The following KCNQ1 variants were observed in gnomAD, a reference collection of about 807,000 sequenced individuals.
The protein encoded by KCNQ1 is potassium voltage-gated channel subfamily KQT member 1.
Under a neutral mutation model 72.4 loss-of-function variants are expected in KCNQ1, and 49 were observed. The observed-to-expected ratio is 0.68, with a 90% CI of 0.54 to 0.86. The LOEUF (loss-of-function observed/expected upper bound fraction) is 0.86, where lower values mean the gene tolerates loss of function less well. KCNQ1 is among the 40% of genes least tolerant of loss of function. KCNQ1 has a pLI of 0.00. For synonymous variants in KCNQ1, 450 were observed against 412.6 expected, an observed-to-expected ratio of 1.09 and a Z score of -1.10; for missense variants, 790 against 945.1, an observed-to-expected ratio of 0.84 and a Z score of 2.15.
Position 2,612,235 on chromosome 11 carries a change from T to C in KCNQ1, c.1393+23381T>C, listed in dbSNP as rs950006047. ...CCTCCTGTCTGATCAGTGATGGCAT[T>C]AGATTCTCACAGAGAGCAAATCCTA... On this transcript the variant is annotated intron_variant, in intron 10 of 15. Coordinates refer to ENST00000155840, the MANE Select transcript of KCNQ1 (RefSeq NM_000218.3). The surrounding 1 kb of genome is among the most constrained non-coding windows in gnomAD (Gnocchi z 5.5). 7 of 398,524 alleles carry C rather than the reference T, an allele frequency of 1.8e-5. No individual in the cohort carries two copies. The highest frequency in any genetic ancestry group is 2.2e-5 in the Non-Finnish European group (5 of 226,082). 24.7% of individuals were successfully genotyped at this position (398,524 alleles called of 1,614,324 possible).
rs990083172 is a variant in KCNQ1 at position 2,704,610 on chromosome 11, G to C, written c.1514+42529G>C. On this transcript the variant is annotated intron_variant, in intron 11 of 15. Coordinates refer to ENST00000155840, the MANE Select transcript of KCNQ1 (RefSeq NM_000218.3). This position sits in a 1 kb window ranked among gnomAD's most constrained non-coding sequence, Gnocchi z 4.3. ...GAAAGGTCACTCTGGCTGCTGAACA[G>C]AGAGAGAACTGAAGAGAGGCAGCAG... Among the ~76,000 whole-genome samples the C allele has an allele frequency of 1.2e-4, 18 of 152,340 alleles. No homozygotes were observed. Among genetic ancestry groups the C allele is most frequent in the African/African-American group, 4.3e-4 (18 of 41,576 alleles).
Position 2,678,112 on chromosome 11 carries a change from T to C in KCNQ1, c.1514+16031T>C, listed in dbSNP as rs1017761116. ...ATTTGTAGAAACTTGCTTTGTCATA[T>C]TCATTGAAAATATTTTATCCTCATT... On this transcript the variant is annotated intron_variant, in intron 11 of 15. Coordinates refer to ENST00000155840, the MANE Select transcript of KCNQ1 (RefSeq NM_000218.3). This position sits in a 1 kb window ranked among gnomAD's most constrained non-coding sequence, Gnocchi z 4.9. 9 of 398,308 alleles carry C rather than the reference T, an allele frequency of 2.3e-5. No individual in the cohort carries two copies. Among genetic ancestry groups the C allele is most frequent in the Non-Finnish European group, 3.5e-5 (8 of 225,974 alleles). The allele number at this position is 398,308 out of a possible 1,614,324, so 24.7% of individuals were successfully genotyped here.
At chr11:2,716,416 A>G (rs1315089711) in intron 11 of KCNQ1, among the ~76,000 whole-genome samples, 1 of 152,110 alleles carries the variant, frequency 6.6e-6, no homozygotes, top group African/African-American at 2.4e-5. Flanking sequence ...TGGCCAGAAC[A>G]CAGTCCCCAA....
intron 6 of KCNQ1, among the ~76,000 whole-genome samples, chr11:2,580,135 G>A (rs1009195959): frequency 7.2e-5 from 11 of 152,122 alleles, no homozygotes; most frequent in South Asian, 6.2e-4. Context: ...GTTTGCTGGC[G>A]CCCCTTACGC....
chr11:2,620,026 C>T lies in KCNQ1; in HGVS notation c.1393+31172C>T, dbSNP rs563920307. Reference sequence around the variant, plus strand: ...TCAGCCCACCTCTCCATTCCTCCCCCAAGTAGTCCCCAGTGTCTACTGATC... The same window carrying T: ...TCAGCCCACCTCTCCATTCCTCCCCTAAGTAGTCCCCAGTGTCTACTGATC... On this transcript the variant is annotated intron_variant, in intron 10 of 15. Transcript: ENST00000155840. This position sits in a 1 kb window ranked among gnomAD's most constrained non-coding sequence, Gnocchi z 4.5. The T allele has an allele frequency of 3.0e-5, 12 of 398,198 alleles. No homozygotes were observed. The highest frequency in any genetic ancestry group is 4.9e-5 in the Non-Finnish European group (11 of 226,044). 24.7% of individuals were successfully genotyped at this position (398,198 alleles called of 1,614,324 possible). A position where few individuals can be genotyped will look rare whatever the true frequency, so the allele number is the denominator to read the frequency against.
At position 2,767,154 on chromosome 11, in the gene KCNQ1, G is replaced by A. The variant is rs1235324267; in HGVS notation, c.1515-1690G>A. Among the ~76,000 whole-genome samples, 16 of 151,740 alleles carry A rather than the reference G, an allele frequency of 1.1e-4. No individual in the cohort carries two copies. The highest frequency in any genetic ancestry group is 6.6e-4 in the Admixed American group (10 of 15,244). Reference sequence around the variant, plus strand: ...CTGCACTCCAGCCTGGCAATAGAGCGAGACTCCATCTATATGTGTGTGTGT... The same window carrying A: ...CTGCACTCCAGCCTGGCAATAGAGCAAGACTCCATCTATATGTGTGTGTGT... On this transcript the variant is annotated intron_variant, in intron 11 of 15. Coordinates refer to ENST00000155840, the MANE Select transcript of KCNQ1 (RefSeq NM_000218.3). The surrounding 1 kb of genome is among the most constrained non-coding windows in gnomAD (Gnocchi z 4.6).
intron 10 of KCNQ1, chr11:2,634,184 T>C: frequency 2.5e-6 from 1 of 397,058 alleles, no homozygotes; most frequent in Admixed American, 4.4e-5. Flanking sequence ...CTTTTTTTTA[T>C]TATACTTTAA....
At chr11:2,763,710 A>C (rs117838311) in intron 11 of KCNQ1, among the ~76,000 whole-genome samples, 2,709 of 152,092 alleles carry the variant, frequency 0.018, 112 homozygotes, top group East Asian at 0.13. Flanking sequence ...GGTACACACC[A>C]CCAAGCCTGG....
rs231362 is a variant in KCNQ1, at chr11:2,670,241, A to G, written c.1514+8160A>G. The G allele has an allele frequency of 0.6, 237,755 of 398,376 alleles. 74,265 individuals carry two copies. Among genetic ancestry groups the G allele is most frequent in the East Asian group, 0.9 (25,250 of 28,062 alleles). The allele number at this position is 398,376 out of a possible 1,614,324, so 24.7% of individuals were successfully genotyped here. A position where few individuals can be genotyped will look rare whatever the true frequency, so the allele number is the denominator to read the frequency against. ...AGCTCACCTGCCTTTGACCCTGCAC[A>G]TGACGGGCGAGGGAAGAGGACCATG... is the stretch of plus-strand genomic sequence containing the variant. On this transcript the variant is annotated intron_variant, in intron 11 of 15. Transcript: ENST00000155840. The surrounding 1 kb of genome is among the most constrained non-coding windows in gnomAD (Gnocchi z 4.9).
chr11:2,580,732 C>G (rs1422310225), intron 6 of KCNQ1, among the ~76,000 whole-genome samples: 1 of 152,230 alleles, frequency 6.6e-6, no homozygotes, highest in East Asian at 1.9e-4. Flanking sequence ...CTTCTCATAC[C>G]TGACCCCCAC....
intron 10 of KCNQ1, chr11:2,641,457 G>A: frequency 7.5e-6 from 3 of 397,886 alleles, no homozygotes; most frequent in Non-Finnish European, 8.9e-6. Flanking sequence ...ATCTATCCAT[G>A]TCTTTTGCTC....
chr11:2,661,524 A>G lies in KCNQ1; in HGVS notation c.1394-437A>G. 1 of 472,816 alleles carries G rather than the reference A, an allele frequency of 2.1e-6. No homozygotes were observed. The allele number at this position is 472,816 out of a possible 1,614,324, so 29.3% of individuals were successfully genotyped here. A position where few individuals can be genotyped will look rare whatever the true frequency, so the allele number is the denominator to read the frequency against. ...CATGGGTCAGAGGTCCTATCACCCC[A>G]TCTTTCCTGACCCACTACTCTGTCA... is the stretch of plus-strand genomic sequence containing the variant. On this transcript the variant is annotated intron_variant, in intron 10 of 15. Transcript: ENST00000155840. The surrounding 1 kb of genome is among the most constrained non-coding windows in gnomAD (Gnocchi z 5.9).
At chr11:2,531,977 A>G (rs1015267998) in intron 2 of KCNQ1, among the ~76,000 whole-genome samples, 1 of 152,094 alleles carries the variant, frequency 6.6e-6, no homozygotes, top group Non-Finnish European at 1.5e-5. Context: ...CACCTCACCC[A>G]GCCTGGGCTC....
intron 1 of KCNQ1, among the ~76,000 whole-genome samples, chr11:2,459,469 T>C (rs1183938563): frequency 1.3e-5 from 2 of 152,100 alleles, no homozygotes; most frequent in African/African-American, 2.4e-5. Context: ...TGAGGAGCTG[T>C]GCGGGTCTGA....
intron 15 of KCNQ1, among the ~76,000 whole-genome samples, chr11:2,832,401 G>C (rs993771530): frequency 2.6e-5 from 4 of 152,172 alleles, no homozygotes; most frequent in Non-Finnish European, 2.9e-5. Flanking sequence ...TGGGAGTGGG[G>C]CCGTCAGAGC....
chr11:2,684,272 G>T (rs565485755), intron 11 of KCNQ1: 13 of 398,582 alleles, frequency 3.3e-5, no homozygotes, highest in African/African-American at 1.8e-4. Context: ...CAAAAGGGGA[G>T]TTGGTTAGGC....
At chr11:2,518,564 T>C (rs1030091869) in intron 1 of KCNQ1, among the ~76,000 whole-genome samples, 5 of 152,170 alleles carry the variant, frequency 3.3e-5, no homozygotes, top group Non-Finnish European at 5.9e-5. Flanking sequence ...GGAAAAAGTG[T>C]CAGCTGAAAC....
chr11:2,608,194 A>T lies in KCNQ1; in HGVS notation c.1393+19340A>T, dbSNP rs1354887092. 7.7e-6 allele frequency: 3 copies of T among 389,358 alleles called. No individual in the cohort carries two copies. Among genetic ancestry groups the T allele is most frequent in the Middle Eastern group, 6.4e-4 (1 of 1,574 alleles). The allele number at this position is 389,358 out of a possible 1,614,324, so 24.1% of individuals were successfully genotyped here. ...TTTGTTGTTGGAAGAGGTCATAAAG[A>T]ATTGATATTCTTTAGATATTTGTTA... is the stretch of plus-strand genomic sequence containing the variant. On this transcript the variant is annotated intron_variant, in intron 10 of 15. Transcript: ENST00000155840. This position sits in a 1 kb window ranked among gnomAD's most constrained non-coding sequence, Gnocchi z 4.6.
Position 2,544,063 on chromosome 11 carries a change from C to T in KCNQ1, c.477+16045C>T, listed in dbSNP as rs929307034. 2.0e-5 allele frequency among the ~76,000 whole-genome samples: 3 copies of T among 151,952 alleles called. No homozygotes were observed. The highest frequency in any genetic ancestry group is 2.9e-5 in the Non-Finnish European group (2 of 67,994). On this transcript the variant is annotated intron_variant, in intron 2 of 15. Transcript: ENST00000155840. The surrounding 1 kb of genome is among the most constrained non-coding windows in gnomAD (Gnocchi z 4.4). ...GCTATTTCAAGTTGTGTTGGTTGTT[C>T]GGGGTCCTTTGCATTTACATATAAA...
Sources: allele counts gnomAD v4.1 joint callset (sites outside exome capture counted in the v4.1 genomes callset), GRCh38; gene constraint gnomAD v4.1.1; non-coding constraint Gnocchi (gnomAD v3.1); transcripts MANE v1.5; gene names NCBI Gene and HGNC (gene_info 2026-07-23, HGNC 2026-07-21).